Variants in C8A observed in about 807,000 individuals in gnomAD.
C8A encodes complement component C8 alpha chain.
A neutral mutation model predicts 65.3 loss-of-function variants in C8A; 67 were observed. That is an observed-to-expected ratio of 1.03 (90% confidence interval 0.84 to 1.26). The LOEUF (loss-of-function observed/expected upper bound fraction) is 1.26, where lower values mean the gene tolerates loss of function less well. Among genes scored for constraint, C8A ranks in the 50% most tolerant of loss-of-function variants. The pLI is 0.00. For missense variants in C8A, 781 were observed against 723.9 expected (o/e 1.08, Z -0.90); for synonymous variants, 290 against 259.4 (o/e 1.12, Z -1.13).
intron 7 of C8A, among the ~76,000 whole-genome samples, chr1:56,893,423 G>C (rs1009407957): frequency 2.4e-4 from 37 of 152,086 alleles, no homozygotes; most frequent in African/African-American, 7.0e-4. Context: ...GGGGCTCTTG[G>C]TTCTATTATT....
At position 56,875,091 on chromosome 1, in the gene C8A, C is replaced by T; in HGVS notation, c.314C>T (p.Thr105Ile). ...GGACAGGATTTCCAGTGTAAGGAGA[C>T]AGGTGAGTAGCATTTCAGCAGAATA... The part of the protein sequence containing the change: ...QCGQDFQCKE[T>I]GRCLKRHLVC... Residue 105 changes from threonine (T) to isoleucine (I), a missense_variant and splice_region_variant, in exon 3 of 11, where the codon ACA (threonine) becomes ATA (isoleucine). Coordinates refer to ENST00000361249, the MANE Select transcript of C8A (RefSeq NM_000562.3). The T allele has an allele frequency of 1.2e-6, 2 of 1,613,400 alleles. No individual in the cohort carries two copies. The highest frequency in any genetic ancestry group is 1.1e-5 in the South Asian group (1 of 91,018).
intron 10 of C8A, among the ~76,000 whole-genome samples, chr1:56,915,225 T>C (rs1434515027): frequency 2.0e-5 from 3 of 152,246 alleles, no homozygotes; most frequent in Non-Finnish European, 4.4e-5. Context: ...TGGGTTCCAG[T>C]GAGCTGCCTG....
At chr1:56,883,821 C>G in intron 6 of C8A, 140 bp downstream of exon 6, 1 of 734,168 alleles carries the variant, frequency 1.4e-6, no homozygotes, top group South Asian at 1.8e-5. Flanking sequence ...CAGTGGTAAT[C>G]AGGTTTGTTT....
chr1:56,886,031 G>T lies in C8A; in HGVS notation c.960G>T (p.Glu320Asp), dbSNP rs147513844. The T allele has an allele frequency of 1.8e-3, 2,843 of 1,614,062 alleles. 10 individuals are homozygous for T. The highest frequency in any genetic ancestry group is 6.0e-3 in the South Asian group (547 of 91,088). The change falls in exon 7 of 11, where the codon GAG (glutamate) becomes GAT (aspartate). Residue 320 changes from glutamate to aspartate, a missense_variant. Glu to Asp is a conservative substitution (Grantham distance 45). Transcript: ENST00000361249. ...LDEGMLQSLMELPDQYNYGMY... is the reference protein window; with the variant it reads ...LDEGMLQSLMDLPDQYNYGMY... ...AAGGAATGCTGCAGTCATTAATGGA[G>T]CTTCCAGATCAGTACAATTATGGCA...
At chr1:56,879,044 A>T (rs1166668074) in intron 4 of C8A, among the ~76,000 whole-genome samples, 3 of 152,214 alleles carry the variant, frequency 2.0e-5, no homozygotes, top group African/African-American at 7.2e-5. Flanking sequence ...CCTGAAGGCC[A>T]AATTCAGCCG....
intron 1 of C8A, among the ~76,000 whole-genome samples, chr1:56,861,319 T>C (rs974160528): frequency 2.0e-5 from 3 of 152,186 alleles, no homozygotes; most frequent in Non-Finnish European, 2.9e-5. Context: ...TGAGTACTTT[T>C]GTGCTGCTTC....
intron 4 of C8A, among the ~76,000 whole-genome samples, 199 bp downstream of exon 4, chr1:56,876,408 C>A (rs1644199424): frequency 6.6e-6 from 1 of 151,664 alleles, no homozygotes; most frequent in African/African-American, 2.4e-5. Flanking sequence ...CATGTCTCTG[C>A]TTGAGAGTTC....
rs375206250 is a variant in C8A, at chr1:56,907,998, G to C, written c.1265G>C (p.Arg422Pro). 35 of 1,614,164 alleles carry C rather than the reference G, an allele frequency of 2.2e-5. No homozygotes were observed. The highest frequency in any genetic ancestry group is 3.0e-5 in the Non-Finnish European group (35 of 1,180,012). ...ATGGCTGTGGAAGACATTATTTCTC[G>C]GGTGCGAGGTGGCAGTTCTGGCTGG... ...KAMAVEDIIS[R>P]VRGGSSGWSG... Residue 422 changes from arginine to proline, a missense_variant, in exon 9 of 11, where the codon CGG (arginine) becomes CCG (proline). Coordinates refer to ENST00000361249, the MANE Select transcript of C8A (RefSeq NM_000562.3).
At chr1:56,907,795 C>T (rs548232243) in intron 8 of C8A, among the ~76,000 whole-genome samples, 161 bp from the exon 9 acceptor site, 1 of 152,040 alleles carries the variant, frequency 6.6e-6, no homozygotes, top group East Asian at 1.9e-4. Flanking sequence ...TTGGTCCTTC[C>T]CTTCTGCCTT....
In C8A at chr1:56,917,756, C is replaced by G. The variant is rs371389558; in HGVS notation, c.*40C>G. Reference sequence around the variant, plus strand: ...AGGCTGGACCAGATGCTGTGGATGTCGACCCCTGCACTGACTATTGGATAA... The same window carrying G: ...AGGCTGGACCAGATGCTGTGGATGTGGACCCCTGCACTGACTATTGGATAA... On this transcript the variant is annotated 3_prime_UTR_variant, in exon 11 of 11. Transcript: ENST00000361249. 2.5e-6 allele frequency: 4 copies of G among 1,611,132 alleles called. No individual in the cohort carries two copies. The highest frequency in any genetic ancestry group is 3.4e-6 in the Non-Finnish European group (4 of 1,178,276).
At chr1:56,883,808 G>T in intron 6 of C8A, 127 bp downstream of exon 6, 1 of 794,548 alleles carries the variant, frequency 1.3e-6, no homozygotes, top group Admixed American at 2.3e-5. Flanking sequence ...GGAAATGTCT[G>T]ATCAGTGGTA....
rs546803189 is a variant in C8A, at chr1:56,868,068, T to G, written c.171+366T>G. ...AAATACAAAGCTGCCCATGAGGAGA[T>G]GAGATAATCCAAGGGATATCCCAGA... is the stretch of plus-strand genomic sequence containing the variant. On this transcript the variant is annotated intron_variant, in intron 2 of 10. Coordinates refer to ENST00000361249, the MANE Select transcript of C8A (RefSeq NM_000562.3). Among the ~76,000 whole-genome samples, 5 of 152,116 alleles carry G rather than the reference T, an allele frequency of 3.3e-5. No homozygotes were observed. The South Asian group carries it at 8.3e-4, about 25-fold the overall frequency.
intron 7 of C8A, among the ~76,000 whole-genome samples, chr1:56,905,533 G>A (rs935555786): frequency 6.6e-6 from 1 of 152,190 alleles, no homozygotes; most frequent in African/African-American, 2.4e-5. Flanking sequence ...CAAGACAATG[G>A]TGAATTAGAC....
At chr1:56,900,849 A>G (rs1248114750) in intron 7 of C8A, among the ~76,000 whole-genome samples, 1 of 152,186 alleles carries the variant, frequency 6.6e-6, no homozygotes. Flanking sequence ...TTGTAGTCTT[A>G]TAGGAAGAAC....
chr1:56,864,309 A>G (rs939520743), intron 1 of C8A, among the ~76,000 whole-genome samples: 1 of 152,192 alleles, frequency 6.6e-6, no homozygotes, highest in African/African-American at 2.4e-5. Flanking sequence ...AGTGGGGTCT[A>G]GGTGTTTAGA....
intron 7 of C8A, among the ~76,000 whole-genome samples, chr1:56,902,578 G>A (rs1644434695): frequency 6.6e-6 from 1 of 152,022 alleles, no homozygotes; most frequent in Non-Finnish European, 1.5e-5. Flanking sequence ...TTAACTATAG[G>A]GACATGTTGC....
At chr1:56,911,547 G>A (rs1234891150) in intron 9 of C8A, among the ~76,000 whole-genome samples, 2 of 152,226 alleles carry the variant, frequency 1.3e-5, no homozygotes, top group Non-Finnish European at 2.9e-5. Flanking sequence ...GGCAATGTCA[G>A]GAGACAGTCT....
At chr1:56,899,942 G>A (rs1220313301) in intron 7 of C8A, among the ~76,000 whole-genome samples, 1 of 152,184 alleles carries the variant, frequency 6.6e-6, no homozygotes, top group East Asian at 1.9e-4. Context: ...GACAGGGGTG[G>A]CATTCCAGCT....
At position 56,876,206 on chromosome 1, in the gene C8A, T is replaced by G. The variant is rs757695149; in HGVS notation, c.461T>G (p.Leu154Trp). The change falls in exon 4 of 11, where the codon TTG (leucine) becomes TGG (tryptophan). Residue 154 changes from leucine (L) to tryptophan (W), a missense_variant. Physicochemically the swap from Leu to Trp is moderately conservative, Grantham distance 61. Coordinates refer to ENST00000361249, the MANE Select transcript of C8A (RefSeq NM_000562.3). ...ATTCCAGGATCACAGAAGGCAGCCT[T>G]GGGGTGAGGCCCTGCCTACTAGCTA... The part of the protein sequence containing the change: ...EPIPGSQKAA[L>W]GYNILTQEDA... 6.2e-7 allele frequency: 1 copy of G among 1,613,766 alleles called. No homozygotes were observed. Among genetic ancestry groups the G allele is most frequent in the Non-Finnish European group, 8.5e-7 (1 of 1,179,808 alleles).
Sources: gnomAD v4.1 joint callset for allele counts (sites outside exome capture counted in the v4.1 genomes callset) on GRCh38, gnomAD v4.1.1 for gene constraint, MANE v1.5 for transcripts, NCBI Gene and HGNC (gene_info 2026-07-23, HGNC 2026-07-21) for gene names.